RPS6KA2: variants seen among roughly 807,000 people sequenced by gnomAD.
The protein encoded by RPS6KA2 is ribosomal protein S6 kinase A2.
In RPS6KA2, 42 loss-of-function variants were observed where a neutral mutation model predicts 91.8. The ratio of observed to expected loss-of-function variants is 0.46; its 90% CI spans 0.36 to 0.59. The LOEUF is 0.59. Ranked by LOEUF, RPS6KA2 falls within the 20% of genes least tolerant of loss-of-function variation. RPS6KA2 has a pLI of 0.00. For synonymous variants in RPS6KA2, 414 were observed against 393.6 expected, an observed-to-expected ratio of 1.05 and a Z score of -0.61; for missense variants, 798 against 978.5, an observed-to-expected ratio of 0.82 and a Z score of 2.46.
At chr6:166,707,300 C>T (rs769127354) in intron 2 of RPS6KA2, among the ~76,000 whole-genome samples, 3 of 152,234 alleles carry the variant, frequency 2.0e-5, no homozygotes, top group Non-Finnish European at 2.9e-5. Flanking sequence ...AGCACAGTTC[C>T]GTCTCACCCA....
At chr6:166,550,858 A>T (rs369640679) in intron 1 of RPS6KA2, among the ~76,000 whole-genome samples, 3 of 151,852 alleles carry the variant, frequency 2.0e-5, no homozygotes, top group African/African-American at 7.3e-5. Flanking sequence ...AAAATTAGCC[A>T]GGCGTGGTGG....
intron 2 of RPS6KA2, among the ~76,000 whole-genome samples, chr6:166,643,386 T>A (rs1466526297): frequency 6.6e-6 from 1 of 152,086 alleles, no homozygotes; most frequent in Non-Finnish European, 1.5e-5. Flanking sequence ...ATAATGGAAA[T>A]AGATACATCA....
At chr6:166,551,797 G>A (rs557442724) in intron 1 of RPS6KA2, among the ~76,000 whole-genome samples, 1 of 152,338 alleles carries the variant, frequency 6.6e-6, no homozygotes, top group South Asian at 2.1e-4. Flanking sequence ...AGAGCAAGAA[G>A]GACTTGGCAC....
Position 166,603,373 on chromosome 6 carries a change from G to T in RPS6KA2, c.99+23548C>A, listed in dbSNP as rs1030236940. ...CAGGAACTCAGCGCAGCCTCAGAGT[G>T]CGTGGGGTGGGGCAGAGCTCTGGGA... On this transcript the variant is annotated intron_variant, in intron 1 of 20. Transcript: ENST00000265678. The surrounding 1 kb of genome is among the most constrained non-coding windows in gnomAD (Gnocchi z 4.3). Among the ~76,000 whole-genome samples the T allele has an allele frequency of 6.6e-6, 1 of 152,194 alleles. No individual in the cohort carries two copies.
intron 1 of RPS6KA2, among the ~76,000 whole-genome samples, chr6:166,581,723 C>T (rs543955740): frequency 9.9e-5 from 15 of 151,006 alleles, no homozygotes; most frequent in Non-Finnish European, 4.4e-5. Flanking sequence ...CCACCCTGGG[C>T]GAGATGGGGA....
intron 2 of RPS6KA2, among the ~76,000 whole-genome samples, chr6:166,758,580 T>C (rs1778084616): frequency 6.6e-6 from 1 of 152,226 alleles, no homozygotes; most frequent in Admixed American, 6.5e-5. Context: ...TTTACTGGTA[T>C]AGCTTCTTGT....
intron 2 of RPS6KA2, among the ~76,000 whole-genome samples, chr6:166,750,564 G>A (rs1193250292): frequency 1.3e-5 from 2 of 152,340 alleles, no homozygotes; most frequent in African/African-American, 4.8e-5. Flanking sequence ...TTCTGACTCT[G>A]TCACAACGGG....
At chr6:166,723,502 A>G (rs536997822) in intron 2 of RPS6KA2, among the ~76,000 whole-genome samples, 3 of 152,208 alleles carry the variant, frequency 2.0e-5, no homozygotes, top group African/African-American at 7.2e-5. Flanking sequence ...GACCCCCAGT[A>G]GTACCAGGAA....
chr6:166,814,993 T>C (rs1021738348), intron 2 of RPS6KA2, among the ~76,000 whole-genome samples: 2 of 152,196 alleles, frequency 1.3e-5, no homozygotes, highest in African/African-American at 4.8e-5. Flanking sequence ...GGAAAAACTG[T>C]CATCCACAAA....
intron 3 of RPS6KA2, among the ~76,000 whole-genome samples, chr6:166,521,834 T>TC (rs895656991): frequency 6.6e-6 from 1 of 152,104 alleles, no homozygotes; most frequent in African/African-American, 2.4e-5. Context: ...CTGTGTATGT[T>TC]CCCCCCACTA....
chr6:166,504,577 C>T lies in RPS6KA2; in HGVS notation c.495G>A (p.Leu165=). ...GGTCTAAAGCCAAGGCCAGCTCAGC[C>T]AGGTAGAACTTGACATCCTCCTCCG... ...MFTEEDVKFY[L]AELALALDHL... The change falls in exon 6 of 21, where the codon CTG becomes CTA. Residue 165 remains leucine, a synonymous_variant. Transcript: ENST00000265678. The T allele has an allele frequency of 6.2e-7, 1 of 1,613,650 alleles. No homozygotes were observed. The highest frequency in any genetic ancestry group is 8.5e-7 in the Non-Finnish European group (1 of 1,179,796).
At chr6:166,413,442 C>T (rs1346583649) in intron 20 of RPS6KA2, among the ~76,000 whole-genome samples, 2 of 152,184 alleles carry the variant, frequency 1.3e-5, no homozygotes, top group Admixed American at 6.5e-5. Context: ...AAAGGAGTCC[C>T]ACCCAGAGGA....
At chr6:166,486,299 C>T (rs1324265263) in intron 10 of RPS6KA2, among the ~76,000 whole-genome samples, 1 of 148,274 alleles carries the variant, frequency 6.7e-6, no homozygotes, top group Non-Finnish European at 1.5e-5. Context: ...AACACACACA[C>T]ACAGTGCCCC....
chr6:166,748,059 G>A (rs538869148), intron 2 of RPS6KA2, among the ~76,000 whole-genome samples: 57 of 152,294 alleles, frequency 3.7e-4, no homozygotes, highest in Middle Eastern at 6.8e-3. Flanking sequence ...TGTCCCGAGG[G>A]CAAATGCTGG....
chr6:166,496,961 G>A (rs1318343309), intron 8 of RPS6KA2, among the ~76,000 whole-genome samples: 1 of 152,194 alleles, frequency 6.6e-6, no homozygotes, highest in East Asian at 1.9e-4. Context: ...GGCTATCCCC[G>A]CTGCCCTCAC....
chr6:166,534,227 A>C (rs1393888241), intron 2 of RPS6KA2, among the ~76,000 whole-genome samples: 1 of 148,792 alleles, frequency 6.7e-6, no homozygotes. Context: ...GTCTCAAAAA[A>C]AAAAAAAAAA....
chr6:166,498,383 C>T, intron 8 of RPS6KA2, 125 bp downstream of exon 8: 1 of 1,093,834 alleles, frequency 9.1e-7, no homozygotes, highest in Non-Finnish European at 1.2e-6. Flanking sequence ...TGGACACTTG[C>T]CCAGTGTCCC....
At chr6:166,496,586 G>T (rs928901922) in intron 8 of RPS6KA2, among the ~76,000 whole-genome samples, 1 of 151,958 alleles carries the variant, frequency 6.6e-6, no homozygotes, top group Non-Finnish European at 1.5e-5. Flanking sequence ...CTCCACTCCA[G>T]CCTGGCCTCT....
At chr6:166,697,649 C>T (rs1293943829) in intron 2 of RPS6KA2, among the ~76,000 whole-genome samples, 1 of 152,220 alleles carries the variant, frequency 6.6e-6, no homozygotes, top group African/African-American at 2.4e-5. Flanking sequence ...TGGAGCAGAG[C>T]TTCCACACCA....
Sources: gnomAD v4.1 joint callset for allele counts (sites outside exome capture counted in the v4.1 genomes callset) on GRCh38, gnomAD v4.1.1 for gene constraint, Gnocchi (gnomAD v3.1) non-coding constraint, MANE v1.5 for transcripts, NCBI Gene and HGNC (gene_info 2026-07-23, HGNC 2026-07-21) for gene names.